CTNNA3: variants seen among roughly 807,000 people sequenced by gnomAD.
CTNNA3 encodes the protein catenin alpha-3.
CTNNA3 carries 76 observed loss-of-function variants against 95.7 expected under a neutral mutation model. That is an observed-to-expected ratio of 0.79 (90% confidence interval 0.66 to 0.96). The LOEUF (loss-of-function observed/expected upper bound fraction) is 0.96, where lower values mean the gene tolerates loss of function less well. Ranked by LOEUF, CTNNA3 falls within the 40% of genes least tolerant of loss-of-function variation. CTNNA3 has a pLI of 0.00. For synonymous variants in CTNNA3, 431 were observed against 374.4 expected (o/e 1.15, Z -1.74); for missense variants, 1,191 against 1,089.8 (o/e 1.09, Z -1.31).
intron 7 of CTNNA3, chr10:67,176,778 G>A (rs1862261077): frequency 2.7e-6 from 1 of 376,512 alleles, no homozygotes; most frequent in South Asian, 2.0e-5. Flanking sequence ...AGAGATGTGA[G>A]GTTGGAAGCA....
At chr10:66,028,469 A>C (rs994234934) in intron 15 of CTNNA3, among the ~76,000 whole-genome samples, 6 of 152,112 alleles carry the variant, frequency 3.9e-5, no homozygotes, top group African/African-American at 1.2e-4. Context: ...GCTGGAAACC[A>C]TCATTCTCAG....
chr10:66,924,191 C>G (rs1445965055), intron 7 of CTNNA3, among the ~76,000 whole-genome samples: 1 of 152,172 alleles, frequency 6.6e-6, no homozygotes, highest in Non-Finnish European at 1.5e-5. Flanking sequence ...TGTGCATTCA[C>G]AGCTTAGGTA....
At chr10:66,511,129 C>T (rs2131992219) in intron 11 of CTNNA3, among the ~76,000 whole-genome samples, 1 of 151,714 alleles carries the variant, frequency 6.6e-6, no homozygotes, top group East Asian at 1.9e-4. Flanking sequence ...ATACTTGTGT[C>T]TAGGAATGTA....
intron 7 of CTNNA3, among the ~76,000 whole-genome samples, chr10:66,818,371 G>C (rs1300771638): frequency 6.6e-6 from 1 of 152,052 alleles, no homozygotes; most frequent in Non-Finnish European, 1.5e-5. Flanking sequence ...TTTGCATATA[G>C]GAAATCCTAA....
At chr10:67,688,961 T>C (rs909898189) in intron 1 of CTNNA3, among the ~76,000 whole-genome samples, 1 of 152,130 alleles carries the variant, frequency 6.6e-6, no homozygotes, top group Admixed American at 6.5e-5. Context: ...AGGTCAGATT[T>C]AGTGGCCCTT....
intron 13 of CTNNA3, among the ~76,000 whole-genome samples, chr10:66,258,907 G>A (rs1259532578): frequency 1.3e-5 from 2 of 152,162 alleles, no homozygotes; most frequent in Admixed American, 6.5e-5. Context: ...CGGAAAAAGA[G>A]AAGTGAAAAC....
intron 9 of CTNNA3, among the ~76,000 whole-genome samples, chr10:66,703,795 C>A (rs1307952464): frequency 1.3e-5 from 2 of 152,254 alleles, no homozygotes; most frequent in Non-Finnish European, 2.9e-5. Context: ...CAGTGTCTTT[C>A]TGGGGCAACA....
chr10:66,393,885 C>T (rs1236788954), intron 11 of CTNNA3, among the ~76,000 whole-genome samples: 2 of 151,928 alleles, frequency 1.3e-5, no homozygotes, highest in African/African-American at 4.8e-5. Context: ...AACTCAAAAT[C>T]AAGGTTTATC....
chr10:66,893,389 C>A (rs1190388430), intron 7 of CTNNA3, among the ~76,000 whole-genome samples: 1 of 151,972 alleles, frequency 6.6e-6, no homozygotes, highest in East Asian at 1.9e-4. Flanking sequence ...CCTCTGAGTT[C>A]TTCTAGAAGG....
chr10:67,227,543 T>G (rs1317932466), intron 5 of CTNNA3, among the ~76,000 whole-genome samples: 2 of 152,030 alleles, frequency 1.3e-5, no homozygotes, highest in Non-Finnish European at 2.9e-5. Flanking sequence ...GCTCCCAAAT[T>G]TATAAAACAA....
At chr10:66,172,049 G>A (rs556155731) in intron 13 of CTNNA3, among the ~76,000 whole-genome samples, 5 of 152,176 alleles carry the variant, frequency 3.3e-5, no homozygotes, top group East Asian at 1.9e-4. Flanking sequence ...ATACACTGGC[G>A]TTGTTTGATC....
At chr10:66,592,389 A>C (rs1051704525) in intron 10 of CTNNA3, among the ~76,000 whole-genome samples, 3 of 152,142 alleles carry the variant, frequency 2.0e-5, no homozygotes, top group Admixed American at 6.6e-5. Context: ...CTTCAGGATA[A>C]AATTTACCTA....
chr10:67,272,117 T>C (rs1231913432), intron 5 of CTNNA3, among the ~76,000 whole-genome samples: 2 of 152,232 alleles, frequency 1.3e-5, no homozygotes, highest in Non-Finnish European at 2.9e-5. Context: ...GTTCATGGAC[T>C]GAACTGAGCT....
intron 11 of CTNNA3, among the ~76,000 whole-genome samples, chr10:66,440,376 T>A (rs2093367030): frequency 6.6e-6 from 1 of 152,198 alleles, no homozygotes; most frequent in Non-Finnish European, 1.5e-5. Context: ...ATTTGTAATA[T>A]TTTGTATATA....
intron 16 of CTNNA3, among the ~76,000 whole-genome samples, chr10:65,984,629 T>G (rs1338973751): frequency 6.6e-6 from 1 of 151,300 alleles, no homozygotes; most frequent in Non-Finnish European, 1.5e-5. Context: ...TAAAGCCATG[T>G]TATAGAAGTA....
chr10:67,143,434 A>AAAAAAAAAAAAAAAAAAAAAAAC (rs1860688642), intron 7 of CTNNA3, among the ~76,000 whole-genome samples: 2 of 150,276 alleles, frequency 1.3e-5, no homozygotes, highest in Admixed American at 6.7e-5. Context: ...TTAAAAAAAA[A>AAAAAAAAAAAAAAAAAAAAAAAC]AAAAAAAAAA....
chr10:67,692,781 G>C (rs950789161), intron 1 of CTNNA3, among the ~76,000 whole-genome samples: 11 of 149,776 alleles, frequency 7.3e-5, no homozygotes, highest in Admixed American at 2.0e-4. Context: ...AGTGCTTAGG[G>C]TGTAGCTGAT....
intron 5 of CTNNA3, among the ~76,000 whole-genome samples, chr10:67,405,546 C>A (rs1478095322): frequency 6.6e-6 from 1 of 152,134 alleles, no homozygotes; most frequent in African/African-American, 2.4e-5. Flanking sequence ...ATTCATAAAG[C>A]AAGTTCTTAG....
intron 5 of CTNNA3, among the ~76,000 whole-genome samples, chr10:67,379,538 T>C (rs1843833817): frequency 6.6e-6 from 1 of 152,198 alleles, no homozygotes; most frequent in African/African-American, 2.4e-5. Flanking sequence ...CATGCGAATA[T>C]GAACATCACA....
Sources: allele counts gnomAD v4.1 joint callset (sites outside exome capture counted in the v4.1 genomes callset), GRCh38; gene constraint gnomAD v4.1.1; transcripts MANE v1.5; gene names NCBI Gene and HGNC (gene_info 2026-07-23, HGNC 2026-07-21).